PHEX: variants seen among roughly 807,000 people sequenced by gnomAD.
The protein encoded by PHEX is phosphate regulating endopeptidase X-linked.
In PHEX, 16 loss-of-function variants were observed where a neutral mutation model predicts 68.0. That is an observed-to-expected ratio of 0.24 (90% CI 0.16 to 0.36). The LOEUF (loss-of-function observed/expected upper bound fraction) is 0.36. Among genes scored for constraint, PHEX ranks in the 10% least tolerant of loss-of-function variants. PHEX has a pLI of 1.00. For missense variants in PHEX, 480 were observed against 575.5 expected (o/e 0.83, Z 1.70); for synonymous variants, 208 against 205.1 (o/e 1.01, Z -0.12).
chrX:22,053,288 C>G (rs935775326), intron 3 of PHEX, among the ~76,000 whole-genome samples: 4 of 111,745 alleles, frequency 3.6e-5, no homozygotes, highest in Non-Finnish European at 7.5e-5. Context: ...TACTACCAAT[C>G]GAAAGAATAC....
intron 11 of PHEX, among the ~76,000 whole-genome samples, chrX:22,124,273 T>C (rs1931622241): frequency 8.9e-6 from 1 of 112,396 alleles, no homozygotes; most frequent in African/African-American, 3.2e-5. Flanking sequence ...GTAATTTAGA[T>C]AGCTCATTGG....
At chrX:22,146,173 A>T (rs1932687183) in intron 12 of PHEX, among the ~76,000 whole-genome samples, 1 of 112,218 alleles carries the variant, frequency 8.9e-6, no homozygotes, top group Non-Finnish European at 1.9e-5. Context: ...ACAATTTGTA[A>T]ATCAGTGCCT....
chrX:22,041,367 A>G (rs1927284512), intron 2 of PHEX, among the ~76,000 whole-genome samples: 1 of 104,967 alleles, frequency 9.5e-6, no homozygotes, highest in African/African-American at 3.5e-5. Flanking sequence ...TAAGACCCCT[A>G]TGAAGTCAGT....
intron 3 of PHEX, among the ~76,000 whole-genome samples, chrX:22,071,542 T>C (rs1928901720): frequency 8.9e-6 from 1 of 111,930 alleles, no homozygotes; most frequent in African/African-American, 3.3e-5. Flanking sequence ...AAGATGAATG[T>C]GACCCAGCCC....
chrX:22,143,669 G>A (rs1478980097), intron 12 of PHEX, among the ~76,000 whole-genome samples: 1 of 112,371 alleles, frequency 8.9e-6, no homozygotes, highest in Admixed American at 9.4e-5. Context: ...GCACCAATGC[G>A]ATTTTTGTGA....
At chrX:22,229,303 T>G (rs1399045273) in intron 20 of PHEX, among the ~76,000 whole-genome samples, 1 of 111,963 alleles carries the variant, frequency 8.9e-6, no homozygotes, top group African/African-American at 3.3e-5. Context: ...TCTAGATCCT[T>G]GAGGAATCGC....
At chrX:22,217,105 T>G (rs1479766994) in intron 16 of PHEX, among the ~76,000 whole-genome samples, 2 of 111,706 alleles carry the variant, frequency 1.8e-5, no homozygotes, top group Non-Finnish European at 3.8e-5. Flanking sequence ...TGCCTTCAAT[T>G]CATCCAGTCA....
chrX:22,211,845 C>T (rs991526920), intron 15 of PHEX, among the ~76,000 whole-genome samples: 16 of 111,783 alleles, frequency 1.4e-4, no homozygotes, highest in African/African-American at 3.9e-4. Context: ...TTTTACATGG[C>T]GGCAGGCAAG....
chrX:22,176,402 AATATATAT>A (rs1174350162), intron 13 of PHEX, among the ~76,000 whole-genome samples: 4 of 57,842 alleles, frequency 6.9e-5, no homozygotes, highest in African/African-American at 2.6e-4. Flanking sequence ...AAAAAAAAAA[AATATATAT>A]ATATATATAT....
chrX:22,076,509 C>A, intron 4 of PHEX, 35 bp downstream of exon 4: 1 of 882,866 alleles, frequency 1.1e-6, no homozygotes, highest in Non-Finnish European at 1.7e-6. Context: ...AAATATTTAC[C>A]ATCCCTATCC....
chrX:22,172,444 G>T (rs7877734), intron 13 of PHEX: 33,585 of 110,442 alleles, frequency 0.3, 3,898 homozygotes, highest in African/African-American at 0.35. Context: ...AAGCAGCTGC[G>T]ACTCCTGTGT....
At chrX:22,215,392 A>T (rs1429647258) in intron 16 of PHEX, among the ~76,000 whole-genome samples, 2 of 111,661 alleles carry the variant, frequency 1.8e-5, no homozygotes, top group African/African-American at 3.3e-5. Flanking sequence ...ATAAATGGAT[A>T]GCCTCCAGAA....
At chrX:22,108,740 G>C (rs1239185408) in intron 9 of PHEX, among the ~76,000 whole-genome samples, 1 of 110,847 alleles carries the variant, frequency 9.0e-6, no homozygotes, top group African/African-American at 3.3e-5. Context: ...TCAGGAGATT[G>C]AGACCAGCCT....
intron 13 of PHEX, among the ~76,000 whole-genome samples, chrX:22,170,362 C>T (rs981567117): frequency 1.4e-4 from 16 of 110,565 alleles, no homozygotes; most frequent in African/African-American, 4.3e-4. Flanking sequence ...AAATAGGGAC[C>T]GTGGAGTCAA....
intron 12 of PHEX, among the ~76,000 whole-genome samples, chrX:22,161,912 G>A (rs1352557935): frequency 8.9e-6 from 1 of 111,758 alleles, no homozygotes; most frequent in Non-Finnish European, 1.9e-5. Flanking sequence ...GAGAAGGGAA[G>A]GGGGAGATAT....
At chrX:22,072,983 T>C in intron 3 of PHEX, among the ~76,000 whole-genome samples, 1 of 112,310 alleles carries the variant, frequency 8.9e-6, no homozygotes, top group Admixed American at 9.5e-5. Flanking sequence ...TTGCAAAATA[T>C]GTCTTCCCAT....
intron 20 of PHEX, among the ~76,000 whole-genome samples, chrX:22,230,717 C>T (rs1935701902): frequency 9.0e-6 from 1 of 111,703 alleles, no homozygotes; most frequent in South Asian, 3.8e-4. Context: ...ATCATGTCAT[C>T]TGCAAACAGA....
chrX:22,174,068 T>C (rs1481942455), intron 13 of PHEX, among the ~76,000 whole-genome samples: 1 of 112,003 alleles, frequency 8.9e-6, no homozygotes, highest in African/African-American at 3.2e-5. Flanking sequence ...TCTGTGGATC[T>C]GGGATAGGAT....
At chrX:22,063,107 AAACT>A (rs201135041) in intron 3 of PHEX, among the ~76,000 whole-genome samples, 1,483 of 111,536 alleles carry the variant, frequency 0.013, 33 homozygotes, top group African/African-American at 0.047. Context: ...GGCAGTGCCC[AAACT>A]AACTGAGTAG....
Sources: allele counts gnomAD v4.1 joint callset (sites outside exome capture counted in the v4.1 genomes callset), GRCh38; gene constraint gnomAD v4.1.1; transcripts MANE v1.5; gene names NCBI Gene and HGNC (gene_info 2026-07-23, HGNC 2026-07-21).